Variants in PHACTR1 observed in about 807,000 individuals in gnomAD.
PHACTR1 encodes RPEL repeat containing 1.
Under a neutral mutation model 69.2 loss-of-function variants are expected in PHACTR1, and 16 were observed. That is an observed-to-expected ratio of 0.23 (90% confidence interval 0.16 to 0.35). The LOEUF (loss-of-function observed/expected upper bound fraction) is 0.35, where lower values mean the gene tolerates loss of function less well. PHACTR1 is among the 10% of genes least tolerant of loss of function. PHACTR1 has a pLI of 1.00. For missense variants in PHACTR1, 510 were observed against 734.7 expected (o/e 0.69, Z 3.54); for synonymous variants, 312 against 284.5 (o/e 1.10, Z -0.97).
intron 4 of PHACTR1, among the ~76,000 whole-genome samples, chr6:12,932,232 C>A (rs1291203889): frequency 6.6e-6 from 1 of 152,134 alleles, no homozygotes; most frequent in Non-Finnish European, 1.5e-5. Context: ...ATGAATGTAG[C>A]TTGGTTTCTC....
intron 4 of PHACTR1, among the ~76,000 whole-genome samples, chr6:12,877,478 A>G (rs1272478297): frequency 6.6e-6 from 1 of 152,142 alleles, no homozygotes; most frequent in African/African-American, 2.4e-5. Context: ...GCCCTAATCA[A>G]TTGAGAATAG....
At chr6:13,255,803 T>G (rs557864997) in intron 10 of PHACTR1, among the ~76,000 whole-genome samples, 90 of 152,228 alleles carry the variant, frequency 5.9e-4, no homozygotes, top group African/African-American at 2.0e-3. Flanking sequence ...CTTTTCAGGG[T>G]TTAGCCTCCA....
Position 12,749,702 on chromosome 6 carries a change from T to C in PHACTR1, c.162T>C (p.Asp54=). Residue 54 remains aspartate (D), a synonymous_variant, in exon 4 of 15, where the codon GAT becomes GAC. Coordinates refer to ENST00000332995, the MANE Select transcript of PHACTR1 (RefSeq NM_030948.6). ...PTLMAASSED[D]IDRRPIRRVR... is the part of the protein sequence containing the mutation. ...TAATGGCGGCATCCTCGGAGGATGA[T>C]ATAGACCGGCGGCCCATCCGGAGAG... is the stretch of plus-strand genomic sequence containing the variant. The C allele has an allele frequency of 6.2e-7, 1 of 1,611,716 alleles. No individual in the cohort carries two copies. Among genetic ancestry groups the C allele is most frequent in the South Asian group, 1.1e-5 (1 of 91,018 alleles).
chr6:12,986,148 A>G (rs1796159123), intron 4 of PHACTR1, among the ~76,000 whole-genome samples: 1 of 152,246 alleles, frequency 6.6e-6, no homozygotes, highest in African/African-American at 2.4e-5. Context: ...AAAACATGCT[A>G]AATTAAACTA....
At chr6:13,064,614 CTATCT>C (rs1808322146) in intron 5 of PHACTR1, among the ~76,000 whole-genome samples, 1 of 5,162 alleles carries the variant, frequency 1.9e-4, no homozygotes, top group Admixed American at 1.8e-3. Flanking sequence ...ATCTATATAT[CTATCT>C]ATCCACACTT....
At chr6:13,233,752 AC>A (rs1359704456) in intron 10 of PHACTR1, among the ~76,000 whole-genome samples, 4 of 152,314 alleles carry the variant, frequency 2.6e-5, no homozygotes, top group South Asian at 2.1e-4. Context: ...GGGACACAGA[AC>A]CAAACCTTAC....
intron 8 of PHACTR1, among the ~76,000 whole-genome samples, chr6:13,222,022 G>A (rs1219602471): frequency 6.6e-6 from 1 of 150,554 alleles, no homozygotes; most frequent in Admixed American, 6.6e-5. Context: ...GTGACAGAGT[G>A]AGACTCCATC....
intron 12 of PHACTR1, among the ~76,000 whole-genome samples, chr6:13,282,391 A>G (rs555600582): frequency 8.5e-4 from 130 of 152,342 alleles, no homozygotes; most frequent in Middle Eastern, 3.4e-3. Flanking sequence ...TTCATGGCTA[A>G]TATCGGGAGA....
At chr6:12,954,587 A>G (rs1253985317) in intron 4 of PHACTR1, among the ~76,000 whole-genome samples, 1 of 152,138 alleles carries the variant, frequency 6.6e-6, no homozygotes, top group Non-Finnish European at 1.5e-5. Flanking sequence ...AGTCAAGTCA[A>G]GATAAGACTT....
At chr6:13,001,220 A>G (rs1252697225) in intron 4 of PHACTR1, among the ~76,000 whole-genome samples, 1 of 152,248 alleles carries the variant, frequency 6.6e-6, no homozygotes, top group Non-Finnish European at 1.5e-5. Flanking sequence ...GAAAATCAAT[A>G]ATGAAAGAGG....
chr6:13,241,299 T>A (rs1772806052), intron 10 of PHACTR1, among the ~76,000 whole-genome samples: 1 of 152,214 alleles, frequency 6.6e-6, no homozygotes, highest in African/African-American at 2.4e-5. Context: ...AGAGGTCCAA[T>A]GCAGTGGTTC....
intron 10 of PHACTR1, among the ~76,000 whole-genome samples, chr6:13,247,757 A>C (rs796769974): frequency 2.0e-5 from 3 of 152,276 alleles, no homozygotes; most frequent in African/African-American, 7.2e-5. Context: ...GGGAGACTGA[A>C]GCTAGAGAAT....
At chr6:12,824,369 C>T (rs1474742354) in intron 4 of PHACTR1, among the ~76,000 whole-genome samples, 4 of 152,086 alleles carry the variant, frequency 2.6e-5, no homozygotes, top group African/African-American at 9.7e-5. Flanking sequence ...ATAAAATGCG[C>T]CATAAATGTA....
Position 12,849,103 on chromosome 6 carries a change from C to T in PHACTR1, c.250+99313C>T, listed in dbSNP as rs541887420. Among the ~76,000 whole-genome samples, 57 of 152,286 alleles carry T rather than the reference C, an allele frequency of 3.7e-4. 1 individual carries two copies. The highest frequency in any genetic ancestry group is 7.5e-4 in the Non-Finnish European group (51 of 68,028). Reference sequence around the variant, plus strand: ...TAAAGGTGACATGGATGCCCCCTCTCCCCAGCAGGAAGTCTCCAGTGTGGC... The same window carrying T: ...TAAAGGTGACATGGATGCCCCCTCTTCCCAGCAGGAAGTCTCCAGTGTGGC... On this transcript the variant is annotated intron_variant, in intron 4 of 14. Coordinates refer to ENST00000332995, the MANE Select transcript of PHACTR1 (RefSeq NM_030948.6).
intron 8 of PHACTR1, among the ~76,000 whole-genome samples, chr6:13,221,528 C>A (rs991300673): frequency 2.6e-5 from 4 of 152,192 alleles, no homozygotes; most frequent in African/African-American, 4.8e-5. Context: ...ATCAGTAGAT[C>A]AGGTCCTGTA....
At chr6:13,108,911 GTTTTA>G (rs1183566140) in intron 5 of PHACTR1, among the ~76,000 whole-genome samples, 3 of 151,690 alleles carry the variant, frequency 2.0e-5, no homozygotes, top group Admixed American at 6.6e-5. Flanking sequence ...TTTGATTTGA[GTTTTA>G]TTTTTAGTTT....
At chr6:13,225,739 GT>G (rs1562024809) in intron 8 of PHACTR1, among the ~76,000 whole-genome samples, 1 of 152,070 alleles carries the variant, frequency 6.6e-6, no homozygotes, top group East Asian at 1.9e-4. Flanking sequence ...CCCGGCTGCC[GT>G]TATCCCCAGC....
At chr6:13,044,572 G>A (rs1421552525) in intron 4 of PHACTR1, among the ~76,000 whole-genome samples, 8 of 152,176 alleles carry the variant, frequency 5.3e-5, no homozygotes, top group Non-Finnish European at 5.9e-5. Flanking sequence ...TCAGGACGGA[G>A]ATGAACTTCC....
chr6:13,180,089 T>C (rs1761993096), intron 6 of PHACTR1, among the ~76,000 whole-genome samples: 1 of 152,180 alleles, frequency 6.6e-6, no homozygotes, highest in Non-Finnish European at 1.5e-5. Flanking sequence ...AGTATAATCA[T>C]TAAGATGATA....
Sources: gnomAD v4.1 joint callset for allele counts (sites outside exome capture counted in the v4.1 genomes callset) on GRCh38, gnomAD v4.1.1 for gene constraint, MANE v1.5 for transcripts, NCBI Gene and HGNC (gene_info 2026-07-23, HGNC 2026-07-21) for gene names.